PSMC2: variants seen among roughly 807,000 people sequenced by gnomAD.
The protein encoded by PSMC2 is 26S proteasome regulatory subunit 7.
A neutral mutation model predicts 53.3 loss-of-function variants in PSMC2; 7 were observed. The observed-to-expected ratio is 0.13, with a 90% CI of 0.07 to 0.25. PSMC2 has a LOEUF of 0.25. Among genes scored for constraint, PSMC2 ranks in the 10% least tolerant of loss-of-function variants. The pLI is 1.00. For missense variants in PSMC2, 241 were observed against 544.0 expected, an observed-to-expected ratio of 0.44 and a Z score of 5.54; for synonymous variants, 169 against 183.9, an observed-to-expected ratio of 0.92 and a Z score of 0.66.
At chr7:103,363,481 A>AT in intron 7 of PSMC2, 42 bp downstream of exon 7, 3 of 1,538,618 alleles carry the variant, frequency 1.9e-6, no homozygotes, top group Non-Finnish European at 2.7e-6. Flanking sequence ...TTGTATAAAG[A>AT]TGTCTTTTGT....
At chr7:103,358,306 G>A (rs186887883) in intron 4 of PSMC2, among the ~76,000 whole-genome samples, 1 of 152,104 alleles carries the variant, frequency 6.6e-6, no homozygotes, top group African/African-American at 2.4e-5. Flanking sequence ...ATTTCATGGT[G>A]ATGTGCCTTG....
Position 103,367,525 on chromosome 7 carries a change from G to A in PSMC2, c.957G>A (p.Met319Ile). 1 of 1,614,096 alleles carries A rather than the reference G, an allele frequency of 6.2e-7. No individual in the cohort carries two copies. Among genetic ancestry groups the A allele is most frequent in the Non-Finnish European group, 8.5e-7 (1 of 1,180,018 alleles). The part of the protein sequence containing the change: ...FDPRGNIKVL[M>I]ATNRPDTLDP... Reference sequence around the variant, plus strand: ...CTAGAGGCAATATTAAAGTGCTGATGGCCACTAACAGACCTGATACTTTGG... The same window carrying A: ...CTAGAGGCAATATTAAAGTGCTGATAGCCACTAACAGACCTGATACTTTGG... Residue 319 changes from methionine to isoleucine, a missense_variant, in exon 10 of 12, where the codon ATG becomes ATA. By Grantham distance (10) the Met-to-Ile change is conservative. Around this residue, in one of 6 missense-constraint regions of PSMC2, gnomAD observed 10 missense variants for 41.0 expected, o/e 0.24. Transcript: ENST00000292644. The surrounding 1 kb of genome is among the most constrained non-coding windows in gnomAD (Gnocchi z 6.1).
rs1820490621 is a variant in PSMC2, at chr7:103,362,827, A to G, written c.495+69A>G. ...TTTTTTTTTTTTGAGGCGGAGTTTC[A>G]CTCTTGTCCAGGCTGGAGTAGAATG... On this transcript the variant is annotated intron_variant, in intron 6 of 11. Coordinates refer to ENST00000292644, the MANE Select transcript of PSMC2 (RefSeq NM_002803.4). The G allele has an allele frequency of 2.5e-6, 3 of 1,183,192 alleles. No individual in the cohort carries two copies. The Admixed American group carries it at 6.4e-5, about 25-fold the overall frequency. 73.3% of individuals were successfully genotyped at this position (1,183,192 alleles called of 1,614,324 possible).
intron 5 of PSMC2, 137 bp from the exon 6 acceptor site, chr7:103,362,549 T>C: frequency 7.1e-7 from 1 of 1,410,074 alleles, no homozygotes; most frequent in Non-Finnish European, 9.5e-7. Flanking sequence ...ATGCTCTCTT[T>C]ATTTCTCTTT....
intron 1 of PSMC2, 87 bp from the exon 2 acceptor site, chr7:103,353,834 C>G: frequency 8.8e-7 from 1 of 1,133,298 alleles, no homozygotes; most frequent in South Asian, 1.4e-5. Flanking sequence ...CAATTTGAAT[C>G]GAACAGAAAA....
At chr7:103,360,190 A>G (rs1365420750) in intron 4 of PSMC2, among the ~76,000 whole-genome samples, 1 of 152,168 alleles carries the variant, frequency 6.6e-6, no homozygotes, top group Non-Finnish European at 1.5e-5. Context: ...GTCATACATA[A>G]GGGAAAATGC....
intron 4 of PSMC2, among the ~76,000 whole-genome samples, chr7:103,356,864 T>C (rs988487561): frequency 2.2e-4 from 34 of 152,192 alleles, no homozygotes; most frequent in Non-Finnish European, 4.9e-4. Context: ...ATAAACATAT[T>C]CTCCTCTGTT....
chr7:103,349,588 A>G (rs1309402667), intron 1 of PSMC2, among the ~76,000 whole-genome samples: 1 of 152,010 alleles, frequency 6.6e-6, no homozygotes, highest in Non-Finnish European at 1.5e-5. Flanking sequence ...AGCTGGGATT[A>G]CAGGCACCCC....
In PSMC2 at chr7:103,354,909, T is replaced by C; in HGVS notation, c.150T>C (p.Asp50=). The C allele has an allele frequency of 6.2e-7, 1 of 1,613,568 alleles. No individual in the cohort carries two copies. The highest frequency in any genetic ancestry group is 8.5e-7 in the Non-Finnish European group (1 of 1,179,638). Reference sequence around the variant, plus strand: ...CTAGGCAGATCAAGCAAGTTGAAGATGACATTCAGCAACTTCTCAAGAAAA... The same window carrying C: ...CTAGGCAGATCAAGCAAGTTGAAGACGACATTCAGCAACTTCTCAAGAAAA... ...TYSRQIKQVE[D]DIQQLLKKIN... Residue 50 remains aspartate, a synonymous_variant, in exon 3 of 12, where the codon GAT becomes GAC. Transcript: ENST00000292644.
At chr7:103,348,512 T>G (rs1298148588) in intron 1 of PSMC2, 1 of 657,646 alleles carries the variant, frequency 1.5e-6, no homozygotes, top group African/African-American at 1.8e-5. Flanking sequence ...CAGTAATGTA[T>G]TTATTATTGA....
chr7:103,347,771 G>A lies in PSMC2; in HGVS notation c.60G>A (p.Lys20=), dbSNP rs752452065. The A allele has an allele frequency of 6.2e-7, 1 of 1,613,880 alleles. No individual in the cohort carries two copies. The highest frequency in any genetic ancestry group is 1.1e-5 in the South Asian group (1 of 91,074). ...RKTKEDEKDD[K]PIRALDEGDI... The stretch of plus-strand genomic sequence containing the variant: ...CCAAAGAGGATGAGAAGGACGACAA[G>A]CCCATCCGAGGTCAGTTGACATGGG... The change falls in exon 1 of 12, where the codon AAG becomes AAA. Residue 20 remains lysine, a synonymous_variant. Transcript: ENST00000292644.
At chr7:103,355,267 CAT>C (rs534163053) in intron 3 of PSMC2, among the ~76,000 whole-genome samples, 86 of 152,284 alleles carry the variant, frequency 5.6e-4, no homozygotes, top group African/African-American at 2.0e-3. Context: ...GATCTCACAA[CAT>C]AGTTTTGCTT....
At chr7:103,348,830 C>A in intron 1 of PSMC2, 5 of 651,394 alleles carry the variant, frequency 7.7e-6, no homozygotes, top group South Asian at 1.6e-5. Context: ...CATGATAGTT[C>A]TTTGTACATA....
chr7:103,362,528 C>T, intron 5 of PSMC2, 158 bp from the exon 6 acceptor site: 1 of 1,406,110 alleles, frequency 7.1e-7, no homozygotes, highest in South Asian at 1.5e-5. Context: ...AGTTTAGTAT[C>T]CTCAGATTTC....
At chr7:103,348,429 A>G (rs553095246) in intron 1 of PSMC2, among the ~76,000 whole-genome samples, 2 of 152,338 alleles carry the variant, frequency 1.3e-5, no homozygotes, top group East Asian at 3.9e-4. Context: ...AAAAATTAAT[A>G]TATATTAGAG....
intron 1 of PSMC2, chr7:103,348,699 A>G: frequency 6.3e-7 from 1 of 1,589,404 alleles, no homozygotes; most frequent in Non-Finnish European, 8.6e-7. Context: ...TGATCCGGAA[A>G]TATGGCCTCA....
At chr7:103,363,321 G>A (rs1338518109) in intron 6 of PSMC2, 23 bp from the exon 7 acceptor site, 1 of 1,571,166 alleles carries the variant, frequency 6.4e-7, no homozygotes, top group South Asian at 1.1e-5. Flanking sequence ...ACTGTATGTT[G>A]TACATTTCTG....
intron 9 of PSMC2, 83 bp downstream of exon 9, chr7:103,366,246 G>T (rs1310156877): frequency 7.9e-7 from 1 of 1,267,250 alleles, no homozygotes; most frequent in East Asian, 2.3e-5. Context: ...TGTTAATCTT[G>T]TACAGAATTT....
In PSMC2 at chr7:103,353,973, T is replaced by C. The variant is rs367809744; in HGVS notation, c.108+15T>C. On this transcript the variant is annotated intron_variant, in intron 2 of 11. Coordinates refer to ENST00000292644, the MANE Select transcript of PSMC2 (RefSeq NM_002803.4). ...TGAAAACTTATGTAAGTCCTTTCAG[T>C]GTCTACAAACTATAGATGTTTTATG... is the stretch of plus-strand genomic sequence containing the variant. The C allele has an allele frequency of 6.4e-7, 1 of 1,570,738 alleles. No individual in the cohort carries two copies. Among genetic ancestry groups the C allele is most frequent in the Non-Finnish European group, 8.7e-7 (1 of 1,146,392 alleles).
Sources: allele counts gnomAD v4.1 joint callset (sites outside exome capture counted in the v4.1 genomes callset), GRCh38; gene constraint gnomAD v4.1.1; regional missense constraint gnomAD v4.1.1; non-coding constraint Gnocchi (gnomAD v3.1); transcripts MANE v1.5; gene names NCBI Gene and HGNC (gene_info 2026-07-23, HGNC 2026-07-21).